Variants in PRKG1 observed in about 807,000 individuals in gnomAD.
PRKG1 encodes the protein protein kinase cGMP-dependent 1, also known as cGMP-dependent protein kinase 1.
PRKG1 carries 35 observed loss-of-function variants against 88.1 expected under a neutral mutation model. That is an observed-to-expected ratio of 0.40 (90% CI 0.30 to 0.53). The LOEUF is 0.53. PRKG1 is among the 20% of genes least tolerant of loss of function. The pLI, the probability that PRKG1 is intolerant of heterozygous loss-of-function variation, is 0.59. For missense variants in PRKG1, 540 were observed against 839.8 expected, an observed-to-expected ratio of 0.64 and a Z score of 4.41; for synonymous variants, 303 against 292.5, an observed-to-expected ratio of 1.04 and a Z score of -0.37.
Position 51,788,242 on chromosome 10 carries a change from A to G in PRKG1, c.593-16343A>G, listed in dbSNP as rs75491694. Among the ~76,000 whole-genome samples, 67 of 152,304 alleles carry G rather than the reference A, an allele frequency of 4.4e-4. No homozygotes were observed. The East Asian group carries it at 0.01, about 23-fold the overall frequency. Reference sequence around the variant, plus strand: ...AGGATGATCAGTTTTCATATTGCATAATCATACAATCAACCTCTGCATTCG... The same window carrying G: ...AGGATGATCAGTTTTCATATTGCATGATCATACAATCAACCTCTGCATTCG... On this transcript the variant is annotated intron_variant, in intron 3 of 17. Transcript: ENST00000373980.
intron 2 of PRKG1, among the ~76,000 whole-genome samples, chr10:51,155,378 T>C (rs1846180734): frequency 6.6e-6 from 1 of 152,068 alleles, no homozygotes; most frequent in Admixed American, 6.6e-5. Flanking sequence ...ATTGTTTACA[T>C]ATAAAATTTA....
intron 3 of PRKG1, among the ~76,000 whole-genome samples, chr10:51,486,390 C>T (rs1278621435): frequency 6.6e-6 from 1 of 152,082 alleles, no homozygotes; most frequent in African/African-American, 2.4e-5. Context: ...GGCATAAATG[C>T]TGGTGATGGT....
At chr10:51,612,559 G>A (rs762745132) in intron 3 of PRKG1, among the ~76,000 whole-genome samples, 7 of 151,934 alleles carry the variant, frequency 4.6e-5, no homozygotes, top group African/African-American at 9.7e-5. Flanking sequence ...TATAAAGTGT[G>A]TCATTTGTAA....
At chr10:51,802,615 T>C (rs1338640087) in intron 3 of PRKG1, among the ~76,000 whole-genome samples, 1 of 152,042 alleles carries the variant, frequency 6.6e-6, no homozygotes, top group Non-Finnish European at 1.5e-5. Context: ...AAATGCTAAT[T>C]TCTAGTGGAG....
At chr10:51,199,548 A>G (rs1350067387) in intron 2 of PRKG1, among the ~76,000 whole-genome samples, 3 of 152,140 alleles carry the variant, frequency 2.0e-5, no homozygotes, top group East Asian at 1.9e-4. Context: ...CGGCTGTGTT[A>G]CCAGCACAAT....
At chr10:51,088,973 G>A (rs16913684) in intron 1 of PRKG1, among the ~76,000 whole-genome samples, 3,077 of 152,126 alleles carry the variant, frequency 0.02, 93 homozygotes, top group East Asian at 0.14. Flanking sequence ...GGATGCTTTG[G>A]CATGCCTTTG....
intron 5 of PRKG1, among the ~76,000 whole-genome samples, chr10:51,984,569 T>G (rs576313923): frequency 2.6e-5 from 4 of 152,288 alleles, no homozygotes; most frequent in Admixed American, 2.6e-4. Flanking sequence ...AGGTGGAAGA[T>G]TTTTTGTAAT....
intron 6 of PRKG1, among the ~76,000 whole-genome samples, chr10:52,058,042 C>A (rs1219055818): frequency 6.6e-6 from 1 of 151,680 alleles, no homozygotes; most frequent in Non-Finnish European, 1.5e-5. Flanking sequence ...TTTTTAGTTT[C>A]TTTTAGGATT....
intron 2 of PRKG1, among the ~76,000 whole-genome samples, chr10:51,244,644 T>A (rs143989672): frequency 1.3e-5 from 2 of 152,258 alleles, no homozygotes; most frequent in Non-Finnish European, 2.9e-5. Context: ...TTTAAACTTA[T>A]GTATTTTCAA....
intron 3 of PRKG1, among the ~76,000 whole-genome samples, chr10:51,481,968 A>G (rs752433314): frequency 7.9e-4 from 120 of 152,324 alleles, no homozygotes; most frequent in Admixed American, 2.0e-3. Flanking sequence ...TTCATATACA[A>G]TAATTCTGTT....
chr10:51,897,680 T>G (rs114879030), intron 4 of PRKG1, among the ~76,000 whole-genome samples: 243 of 152,222 alleles, frequency 1.6e-3, no homozygotes, highest in African/African-American at 5.6e-3. Flanking sequence ...CATTCCACAT[T>G]CAGTCTACTA....
In PRKG1 at chr10:52,279,495, G is replaced by A. The variant is rs536933022; in HGVS notation, c.1404-1294G>A. Among the ~76,000 whole-genome samples, 82 of 152,268 alleles carry A rather than the reference G, an allele frequency of 5.4e-4. 1 individual carries two copies. The South Asian group carries it at 0.016, about 30-fold the overall frequency. ...TGGTTATTTCAGTGAAAACTCAAGT[G>A]ATATTAGTAGCTGAAATGAAGACAT... On this transcript the variant is annotated intron_variant, in intron 12 of 17. Coordinates refer to ENST00000373980, the MANE Select transcript of PRKG1 (RefSeq NM_006258.4).
At chr10:52,276,214 G>A (rs948595210) in intron 12 of PRKG1, among the ~76,000 whole-genome samples, 2 of 152,208 alleles carry the variant, frequency 1.3e-5, no homozygotes, top group Admixed American at 6.6e-5. Context: ...AGGACTTCCA[G>A]TACTGCGTTG....
intron 4 of PRKG1, among the ~76,000 whole-genome samples, chr10:51,829,013 T>G (rs780952736): frequency 5.9e-5 from 9 of 152,182 alleles, no homozygotes; most frequent in Non-Finnish European, 1.3e-4. Flanking sequence ...TGCCTCTGAC[T>G]AAAGGTCTCT....
At chr10:52,230,509 G>A (rs1840495720) in intron 9 of PRKG1, among the ~76,000 whole-genome samples, 1 of 152,188 alleles carries the variant, frequency 6.6e-6, no homozygotes, top group African/African-American at 2.4e-5. Flanking sequence ...AGAAAACTGA[G>A]GCAGATGAAT....
At chr10:51,930,259 A>C (rs960128040) in intron 5 of PRKG1, among the ~76,000 whole-genome samples, 29 of 152,152 alleles carry the variant, frequency 1.9e-4, no homozygotes, top group Admixed American at 1.8e-3. Flanking sequence ...GTTACTGTTT[A>C]ATCAATAGAG....
At chr10:51,522,183 C>T (rs987953294) in intron 3 of PRKG1, among the ~76,000 whole-genome samples, 1 of 152,042 alleles carries the variant, frequency 6.6e-6, no homozygotes, top group Admixed American at 6.6e-5. Flanking sequence ...TAGTATATAA[C>T]CATTAAGCTT....
intron 2 of PRKG1, among the ~76,000 whole-genome samples, chr10:51,165,984 G>GT (rs796123661): frequency 0.041 from 5,927 of 145,570 alleles, 373 homozygotes; most frequent in African/African-American, 0.14. Flanking sequence ...CACCAAATAA[G>GT]TTTTTTTTTT....
intron 1 of PRKG1, among the ~76,000 whole-genome samples, chr10:51,042,578 A>T (rs1486037161): frequency 2.0e-5 from 3 of 152,170 alleles, no homozygotes; most frequent in Admixed American, 2.0e-4. Flanking sequence ...GCATGCAAGA[A>T]CTTTATTAGG....
Sources: allele counts gnomAD v4.1 joint callset (sites outside exome capture counted in the v4.1 genomes callset), GRCh38; gene constraint gnomAD v4.1.1; transcripts MANE v1.5; gene names NCBI Gene and HGNC (gene_info 2026-07-23, HGNC 2026-07-21).